The following IFT81 variants were observed in gnomAD, a reference collection of about 807,000 sequenced individuals.
IFT81 encodes intraflagellar transport protein 81 homolog.
Under a neutral mutation model 102.6 loss-of-function variants are expected in IFT81, and 72 were observed. That is an observed-to-expected ratio of 0.70 (90% CI 0.58 to 0.85). IFT81 has a LOEUF of 0.85. Ranked by LOEUF, IFT81 falls within the 40% of genes least tolerant of loss-of-function variation. IFT81 has a pLI of 0.00. For synonymous variants in IFT81, 237 were observed against 242.7 expected, an observed-to-expected ratio of 0.98 and a Z score of 0.22; for missense variants, 723 against 787.3, an observed-to-expected ratio of 0.92 and a Z score of 0.98.
At chr12:110,213,668 A>G (rs1413953748) in intron 18 of IFT81, among the ~76,000 whole-genome samples, 1 of 152,214 alleles carries the variant, frequency 6.6e-6, no homozygotes, top group Non-Finnish European at 1.5e-5. Context: ...AGTTACATTC[A>G]TATAAGAAAG....
intron 4 of IFT81, 139 bp from the exon 5 acceptor site, chr12:110,132,408 C>T (rs1894219289): frequency 9.9e-6 from 4 of 403,136 alleles, no homozygotes; most frequent in Non-Finnish European, 8.9e-6. Flanking sequence ...TGTAGTGAGC[C>T]GAGATCGTGC....
intron 10 of IFT81, among the ~76,000 whole-genome samples, chr12:110,151,360 C>G (rs2137392860): frequency 6.6e-6 from 1 of 152,252 alleles, no homozygotes; most frequent in East Asian, 1.9e-4. Context: ...ATCAGTACAT[C>G]ATTCCTTTTT....
rs996473966 is a variant in IFT81 at position 110,174,437 on chromosome 12, A to C, written c.1189-5985A>C. Among the ~76,000 whole-genome samples, 3 of 150,112 alleles carry C rather than the reference A, an allele frequency of 2.0e-5. No homozygotes were observed. The East Asian group carries it at 5.8e-4, about 29-fold the overall frequency. ...ACCATTGCATTCCAGCCTGGGAGACAAGAGCAAGACTCCGTCTCAGAAAAA... is the reference window on the plus strand; with the variant it reads ...ACCATTGCATTCCAGCCTGGGAGACCAGAGCAAGACTCCGTCTCAGAAAAA... On this transcript the variant is annotated intron_variant, in intron 11 of 18. Transcript: ENST00000242591.
At chr12:110,167,847 CTTTTTT>C (rs746060315) in intron 11 of IFT81, 83 of 228,176 alleles carry the variant, frequency 3.6e-4, no homozygotes, top group African/African-American at 1.1e-3. Context: ...ATTTAGGTTT[CTTTTTT>C]TTTTTTTTTT....
chr12:110,197,555 C>CATATATATAT (rs141544205), intron 14 of IFT81, among the ~76,000 whole-genome samples: 96 of 108,800 alleles, frequency 8.8e-4, no homozygotes, highest in African/African-American at 7.0e-4. Flanking sequence ...AGGTTTTTAT[C>CATATATATAT]ATATATATAT....
intron 14 of IFT81, among the ~76,000 whole-genome samples, chr12:110,194,881 G>A (rs1409467855): frequency 2.0e-5 from 3 of 151,976 alleles, no homozygotes; most frequent in Non-Finnish European, 4.4e-5. Context: ...TTTTCAGGAC[G>A]TGGGAGGACT....
At chr12:110,128,513 G>A (rs1171557943) in intron 3 of IFT81, among the ~76,000 whole-genome samples, 1 of 151,644 alleles carries the variant, frequency 6.6e-6, no homozygotes, top group African/African-American at 2.4e-5. Flanking sequence ...CTTGGGGCCA[G>A]GCATGGTAGC....
chr12:110,158,341 A>G (rs2137422600), intron 10 of IFT81, among the ~76,000 whole-genome samples: 1 of 152,284 alleles, frequency 6.6e-6, no homozygotes. Context: ...TTGGCCTCCC[A>G]AAGTGGTAGG....
chr12:110,185,150 GAT>G (rs1290849294), intron 12 of IFT81, among the ~76,000 whole-genome samples: 7 of 152,124 alleles, frequency 4.6e-5, no homozygotes, highest in African/African-American at 1.7e-4. Flanking sequence ...CAGAGATTAT[GAT>G]ATACACCCTT....
intron 17 of IFT81, among the ~76,000 whole-genome samples, chr12:110,208,510 G>GA (rs918187050): frequency 1.6e-4 from 24 of 146,366 alleles, no homozygotes; most frequent in African/African-American, 5.0e-4. Flanking sequence ...TGTCTCAAAG[G>GA]AAAAAAAAAA....
chr12:110,158,390 A>AT (rs1169934584), intron 10 of IFT81, among the ~76,000 whole-genome samples: 2 of 150,526 alleles, frequency 1.3e-5, no homozygotes, highest in South Asian at 2.1e-4. Flanking sequence ...CTGTTTTCAA[A>AT]TTTTTTTAAC....
chr12:110,139,774 A>G (rs1894746445), intron 8 of IFT81, among the ~76,000 whole-genome samples: 1 of 150,660 alleles, frequency 6.6e-6, no homozygotes, highest in African/African-American at 2.5e-5. Context: ...ACTCCATCTC[A>G]AAATAAACAC....
At chr12:110,126,561 T>C (rs2137287125) in intron 1 of IFT81, among the ~76,000 whole-genome samples, 1 of 152,324 alleles carries the variant, frequency 6.6e-6, no homozygotes, top group South Asian at 2.1e-4. Flanking sequence ...GCAGTGACTG[T>C]TTCAATAGGC....
Position 110,169,013 on chromosome 12 carries a change from T to TTTCCTTCCTTCC in IFT81, c.1188+5957_1188+5958insTCCTTCCTTCCT, listed in dbSNP as rs1443595623. 3 of 141,308 alleles carry TTTCCTTCCTTCC rather than the reference T, an allele frequency of 2.1e-5. No homozygotes were observed. In the South Asian group the frequency reaches 7.0e-4, roughly 33 times the overall value. The allele number at this position is 141,308 out of a possible 1,614,324, so 8.8% of individuals were successfully genotyped here. On this transcript the variant is annotated intron_variant, in intron 11 of 18. Coordinates refer to ENST00000242591, the MANE Select transcript of IFT81 (RefSeq NM_014055.4). ...TGCCTCTTTCTTTGTCTTTCTTTCT[T>TTTCCTTCCTTCC]TTCCTTCCTCCCTTCCTTCCTTCCT... is the stretch of plus-strand genomic sequence containing the variant.
Position 110,203,855 on chromosome 12 carries a change from T to TG in IFT81, c.1558-9_1558-8insG. 1.3e-6 allele frequency: 2 copies of TG among 1,597,094 alleles called. No individual in the cohort carries two copies. Among genetic ancestry groups the TG allele is most frequent in the Non-Finnish European group, 1.7e-6 (2 of 1,164,794 alleles). ...TCACTTATTCAATCATTTTCCCTTT[T>TG]TATACTAGGAACTGACCCAGGAGTG... On this transcript the variant is annotated splice_polypyrimidine_tract_variant and intron_variant, in intron 14 of 18. Coordinates refer to ENST00000242591, the MANE Select transcript of IFT81 (RefSeq NM_014055.4).
chr12:110,207,034 AT>A (rs776646818), intron 17 of IFT81, among the ~76,000 whole-genome samples: 174 of 146,336 alleles, frequency 1.2e-3, no homozygotes, highest in Non-Finnish European at 1.2e-3. Flanking sequence ...TTCTAGCCAG[AT>A]TTTTTTTTTT....
intron 18 of IFT81, among the ~76,000 whole-genome samples, chr12:110,212,562 T>G (rs945959247): frequency 1.4e-5 from 2 of 141,200 alleles, no homozygotes; most frequent in African/African-American, 2.7e-5. Flanking sequence ...GCATCCCAGG[T>G]GCAGTGGCTC....
At chr12:110,193,825 A>C (rs1024965683) in intron 14 of IFT81, among the ~76,000 whole-genome samples, 8 of 152,204 alleles carry the variant, frequency 5.3e-5, no homozygotes, top group Non-Finnish European at 1.2e-4. Context: ...ATATTAGAGC[A>C]TCACAACTGG....
chr12:110,188,503 C>T (rs1399880456), intron 12 of IFT81, among the ~76,000 whole-genome samples: 1 of 151,858 alleles, frequency 6.6e-6, no homozygotes, highest in African/African-American at 2.4e-5. Context: ...AGGTCCCAGT[C>T]CTATTGACAG....
Sources: allele counts gnomAD v4.1 joint callset (sites outside exome capture counted in the v4.1 genomes callset), GRCh38; gene constraint gnomAD v4.1.1; transcripts MANE v1.5; gene names NCBI Gene and HGNC (gene_info 2026-07-23, HGNC 2026-07-21).